RNF213: variants seen among roughly 807,000 people sequenced by gnomAD.
The protein encoded by RNF213 is E3 ubiquitin-protein ligase RNF213.
A neutral mutation model predicts 514.4 loss-of-function variants in RNF213; 341 were observed. The observed-to-expected ratio is 0.66, with a 90% CI of 0.61 to 0.73. The LOEUF (loss-of-function observed/expected upper bound fraction) is 0.73. RNF213 is among the 30% of genes least tolerant of loss of function. The pLI is 0.00. For missense variants in RNF213, 5,767 were observed against 6,615.6 expected, an observed-to-expected ratio of 0.87 and a Z score of 4.45; for synonymous variants, 2,655 against 2,658.2, an observed-to-expected ratio of 1.00 and a Z score of 0.04.
Position 80,372,982 on chromosome 17 carries a change from C to T in RNF213, c.12759C>T (p.Ala4253=). 4 of 1,613,640 alleles carry T rather than the reference C, an allele frequency of 2.5e-6. No individual in the cohort carries two copies. Among genetic ancestry groups the T allele is most frequent in the Non-Finnish European group, 3.4e-6 (4 of 1,179,894 alleles). Residue 4253 remains alanine, a synonymous_variant, in exon 49 of 68, where the codon GCC becomes GCT. Transcript: ENST00000582970. ...TTCTCGTTGGCCTCTCAGAGATGGC[C>T]AAGGAGAAGCAGTGCTACCTGCAGC... The part of the protein sequence containing the change: ...LSEPEGGPEM[A]KEKQCYLQQV...
chr17:80,287,518 A>G (rs912551703), intron 3 of RNF213, among the ~76,000 whole-genome samples: 2 of 152,184 alleles, frequency 1.3e-5, no homozygotes, highest in Non-Finnish European at 2.9e-5. Flanking sequence ...ATAAATAAAT[A>G]CAAATCCATC....
intron 10 of RNF213, 86 bp from the exon 11 acceptor site, chr17:80,298,235 G>A (rs2143448616): frequency 2.2e-6 from 3 of 1,388,316 alleles, no homozygotes; most frequent in Non-Finnish European, 3.0e-6. Context: ...TGTGCACGGT[G>A]CTTGCTTCCT....
chr17:80,353,280 C>A lies in RNF213; in HGVS notation c.10423+221C>A. The A allele has an allele frequency of 1.3e-6, 1 of 788,098 alleles. No individual in the cohort carries two copies. The highest frequency in any genetic ancestry group is 2.1e-6 in the Non-Finnish European group (1 of 483,664). The allele number at this position is 788,098 out of a possible 1,614,324, so 48.8% of individuals were successfully genotyped here. A position where few individuals can be genotyped will look rare whatever the true frequency, so the allele number is the denominator to read the frequency against. The stretch of plus-strand genomic sequence containing the variant: ...GCTGAGGTAGAGCTCTGTGAGCAGG[C>A]CAGCCATGGAAGTGAGCACCTAGAA... On this transcript the variant is annotated intron_variant, in intron 33 of 67. Coordinates refer to ENST00000582970, the MANE Select transcript of RNF213 (RefSeq NM_001256071.3). This position sits in a 1 kb window ranked among gnomAD's most constrained non-coding sequence, Gnocchi z 5.0.
In RNF213 at chr17:80,346,616, C is replaced by T. The variant is rs776410271; in HGVS notation, c.8281C>T (p.Leu2761=). The change falls in exon 29 of 68, where the codon CTG becomes TTG. Residue 2761 remains leucine, a synonymous_variant. Coordinates refer to ENST00000582970, the MANE Select transcript of RNF213 (RefSeq NM_001256071.3). This position sits in a 1 kb window ranked among gnomAD's most constrained non-coding sequence, Gnocchi z 8.1. The stretch of plus-strand genomic sequence containing the variant: ...CTTCATGATGGTCGTCTGCATCGAG[C>T]TGAAGATTCCCCTCTTCCTGGTGGG... ...NVFMMVVCIE[L]KIPLFLVGKP... 10 of 1,613,068 alleles carry T rather than the reference C, an allele frequency of 6.2e-6. No homozygotes were observed. Among genetic ancestry groups the T allele is most frequent in the Non-Finnish European group, 5.1e-6 (6 of 1,180,028 alleles).
rs929360538 is a variant in RNF213 at position 80,294,994 on chromosome 17, G to A, written c.1746G>A (p.Arg582=). 6.2e-6 allele frequency: 10 copies of A among 1,614,134 alleles called. No individual in the cohort carries two copies. Among genetic ancestry groups the A allele is most frequent in the Non-Finnish European group, 8.5e-6 (10 of 1,180,030 alleles). ...AGCTGTGGACCGATTTGCAGTACAGGGAGAAAGAGGTATCAGGCTTGCCAC... is the reference window on the plus strand; with the variant it reads ...AGCTGTGGACCGATTTGCAGTACAGAGAGAAAGAGGTATCAGGCTTGCCAC... The part of the protein sequence containing the change: ...QAQLWTDLQY[R]EKEVKRYLWQ... Residue 582 remains arginine (R), a synonymous_variant, in exon 9 of 68, where the codon AGG becomes AGA. Transcript: ENST00000582970.
chr17:80,290,497 G>A (rs2044678269), intron 6 of RNF213, 73 bp from the exon 7 acceptor site: 3 of 1,572,308 alleles, frequency 1.9e-6, no homozygotes, highest in Non-Finnish European at 2.6e-6. Context: ...GTGTGTGTGT[G>A]CGCGTGTGTG....
At chr17:80,344,565 A>C (rs765016715) in intron 28 of RNF213, 113 bp from the exon 29 acceptor site, 11 of 1,137,304 alleles carry the variant, frequency 9.7e-6, no homozygotes, top group Non-Finnish European at 1.4e-5. Context: ...ACATATTTTC[A>C]GTGCGTTTTT....
intron 17 of RNF213, among the ~76,000 whole-genome samples, chr17:80,323,663 CA>C (rs1401181165): frequency 6.6e-6 from 1 of 152,062 alleles, no homozygotes; most frequent in Non-Finnish European, 1.5e-5. Flanking sequence ...CCATATTGGT[CA>C]GGGTGGTCTC....
At chr17:80,311,846 G>T (rs527600839) in intron 14 of RNF213, among the ~76,000 whole-genome samples, 1 of 152,332 alleles carries the variant, frequency 6.6e-6, no homozygotes, top group South Asian at 2.1e-4. Flanking sequence ...CACACACTTG[G>T]CTGGGTGTAG....
At chr17:80,303,273 G>A (rs1475943194) in intron 11 of RNF213, among the ~76,000 whole-genome samples, 1 of 152,214 alleles carries the variant, frequency 6.6e-6, no homozygotes, top group Non-Finnish European at 1.5e-5. Context: ...AGGTCTGAAG[G>A]TAGGGTAGGA....
chr17:80,319,260 T>C lies in RNF213; in HGVS notation c.2972T>C (p.Val991Ala), dbSNP rs1446911374. The C allele has an allele frequency of 6.2e-7, 1 of 1,614,198 alleles. No homozygotes were observed. Among genetic ancestry groups the C allele is most frequent in the Non-Finnish European group, 8.5e-7 (1 of 1,180,034 alleles). The change falls in exon 17 of 68, where the codon GTG becomes GCG. Residue 991 changes from valine (V) to alanine (A), a missense_variant. Physicochemically the swap from Val to Ala is moderately conservative, Grantham distance 64. Transcript: ENST00000582970. ...GACACCAAAGGCTTAGAGGACAGTG[T>C]GGCCAAGACCTTCGAGAAATGCATC... Reference protein sequence around the residue: ...CWDTKGLEDSVAKTFEKCIIE... With the variant: ...CWDTKGLEDSAAKTFEKCIIE...
chr17:80,346,933 C>T lies in RNF213; in HGVS notation c.8598C>T (p.Asp2866=), dbSNP rs182201647. Residue 2866 remains aspartate (D), a synonymous_variant, in exon 29 of 68, where the codon GAC becomes GAT. Coordinates refer to ENST00000582970, the MANE Select transcript of RNF213 (RefSeq NM_001256071.3). This position sits in a 1 kb window ranked among gnomAD's most constrained non-coding sequence, Gnocchi z 8.1. ...AGACTCTGCACCCGCTGCTGGAAGA[C>T]GGATGCATTGAAGACGATCCCGCCC... ...PLKTLHPLLE[D]GCIEDDPAPH... The T allele has an allele frequency of 2.3e-4, 367 of 1,614,050 alleles. 3 individuals are homozygous for T. In the East Asian group the frequency reaches 3.9e-3, roughly 17 times the overall value.
intron 54 of RNF213, 81 bp from the exon 55 acceptor site, chr17:80,379,539 A>T (rs1407702689): frequency 1.8e-5 from 23 of 1,250,360 alleles, no homozygotes; most frequent in African/African-American, 4.4e-5. Context: ...GGTGATAAGG[A>T]GGTGTTCATT....
Position 80,343,402 on chromosome 17 carries a change from G to C in RNF213, c.6183+77G>C. 7.9e-7 allele frequency: 1 copy of C among 1,261,990 alleles called. No homozygotes were observed. Among genetic ancestry groups the C allele is most frequent in the African/African-American group, 1.5e-5 (1 of 67,620 alleles). The allele number at this position is 1,261,990 out of a possible 1,614,324, so 78.2% of individuals were successfully genotyped here. ...CCATGTCTCTGCGTGACTCCTCCCC[G>C]TGTATAGAATTCCTTGTTTCCACAC... On this transcript the variant is annotated intron_variant, in intron 27 of 67. Transcript: ENST00000582970. This position sits in a 1 kb window ranked among gnomAD's most constrained non-coding sequence, Gnocchi z 4.3.
At chr17:80,308,954 G>A in intron 13 of RNF213, 64 bp from the exon 14 acceptor site, 1 of 1,600,646 alleles carries the variant, frequency 6.2e-7, no homozygotes, top group Non-Finnish European at 8.5e-7. Flanking sequence ...AGTCATCAAT[G>A]GTAACCATTT....
At chr17:80,272,402 C>T in intron 2 of RNF213, among the ~76,000 whole-genome samples, 1 of 152,218 alleles carries the variant, frequency 6.6e-6, no homozygotes, top group East Asian at 1.9e-4. Flanking sequence ...GGCTTTTGTG[C>T]CACATGGCAG....
At chr17:80,290,967 C>A (rs1017936116) in intron 7 of RNF213, among the ~76,000 whole-genome samples, 1 of 152,044 alleles carries the variant, frequency 6.6e-6, no homozygotes, top group Admixed American at 6.6e-5. Flanking sequence ...TACCACCACG[C>A]CTGGCTAATT....
chr17:80,340,417 C>G, intron 26 of RNF213, 61 bp downstream of exon 26: 1 of 1,489,380 alleles, frequency 6.7e-7, no homozygotes, highest in Non-Finnish European at 9.1e-7. Context: ...GGCCCTTCCC[C>G]CCTCCAGCAG....
chr17:80,348,421 T>C, intron 29 of RNF213, 135 bp downstream of exon 29: 1 of 1,285,404 alleles, frequency 7.8e-7, no homozygotes, highest in South Asian at 1.2e-5. Context: ...TGAGCTCTCC[T>C]CCGCGGTAAG....
Sources: allele counts gnomAD v4.1 joint callset (sites outside exome capture counted in the v4.1 genomes callset), GRCh38; gene constraint gnomAD v4.1.1; non-coding constraint Gnocchi (gnomAD v3.1); transcripts MANE v1.5; gene names NCBI Gene and HGNC (gene_info 2026-07-23, HGNC 2026-07-21).